The following CNTN4 variants were observed in gnomAD, a reference collection of about 807,000 sequenced individuals.
CNTN4 encodes contactin-4.
In CNTN4, 77 loss-of-function variants were observed where a neutral mutation model predicts 122.5. The ratio of observed to expected loss-of-function variants is 0.63; its 90% CI spans 0.52 to 0.76. The LOEUF (loss-of-function observed/expected upper bound fraction) is 0.76, where lower values mean the gene tolerates loss of function less well. Ranked by LOEUF, CNTN4 falls within the 30% of genes least tolerant of loss-of-function variation. CNTN4 has a pLI of 0.00. For synonymous variants in CNTN4, 512 were observed against 447.0 expected, an observed-to-expected ratio of 1.15 and a Z score of -1.83; for missense variants, 1,256 against 1,259.1, an observed-to-expected ratio of 1.00 and a Z score of 0.04.
chr3:2,765,724 G>A lies in CNTN4; in HGVS notation c.358+20027G>A, dbSNP rs528523292. Among the ~76,000 whole-genome samples the A allele has an allele frequency of 7.9e-5, 12 of 152,258 alleles. 1 individual carries two copies. In the South Asian group the frequency reaches 2.5e-3, roughly 32 times the overall value. Reference sequence around the variant, plus strand: ...GTTATAAAACAGGTGCCCTCAGAGAGCATCCTACAGATTGATAAAGCAAGT... The same window carrying A: ...GTTATAAAACAGGTGCCCTCAGAGAACATCCTACAGATTGATAAAGCAAGT... On this transcript the variant is annotated intron_variant, in intron 6 of 24. Coordinates refer to ENST00000418658, the MANE Select transcript of CNTN4 (RefSeq NM_175607.3).
chr3:2,771,821 G>T (rs2091114194), intron 6 of CNTN4, among the ~76,000 whole-genome samples: 1 of 152,160 alleles, frequency 6.6e-6, no homozygotes, highest in African/African-American at 2.4e-5. Context: ...AAAACATGGA[G>T]AAGCAATATG....
At chr3:2,295,200 G>A (rs1021535459) in intron 2 of CNTN4, among the ~76,000 whole-genome samples, 3 of 143,054 alleles carry the variant, frequency 2.1e-5, no homozygotes, top group South Asian at 2.2e-4. Flanking sequence ...CCCAGTAATG[G>A]GATGGCTGGG....
chr3:2,753,624 C>T (rs2090200238), intron 6 of CNTN4, among the ~76,000 whole-genome samples: 1 of 152,194 alleles, frequency 6.6e-6, no homozygotes, highest in African/African-American at 2.4e-5. Context: ...ACATGCATGG[C>T]TTCCCTTATG....
chr3:2,698,775 T>A (rs1559400431), intron 4 of CNTN4, among the ~76,000 whole-genome samples: 2 of 152,204 alleles, frequency 1.3e-5, no homozygotes, highest in Non-Finnish European at 1.5e-5. Flanking sequence ...GCCAACACTT[T>A]GGGAGGCCAA....
intron 3 of CNTN4, among the ~76,000 whole-genome samples, chr3:2,441,348 T>C (rs2151286317): frequency 6.6e-6 from 1 of 152,314 alleles, no homozygotes; most frequent in Middle Eastern, 3.4e-3. Flanking sequence ...ACAGGTATCT[T>C]ATTTAAGCCT....
chr3:2,243,674 G>A (rs1037332237), intron 2 of CNTN4, among the ~76,000 whole-genome samples: 1 of 152,104 alleles, frequency 6.6e-6, no homozygotes, highest in Non-Finnish European at 1.5e-5. Flanking sequence ...GATGAATAGT[G>A]TAGTTCACTA....
rs183520170 is a variant in CNTN4 at position 2,627,745 on chromosome 3, G to A, written c.55+56187G>A. 9.1e-4 allele frequency among the ~76,000 whole-genome samples: 138 copies of A among 152,010 alleles called. No homozygotes were observed. The East Asian group carries it at 0.015, about 16-fold the overall frequency. On this transcript the variant is annotated intron_variant, in intron 4 of 24. Coordinates refer to ENST00000418658, the MANE Select transcript of CNTN4 (RefSeq NM_175607.3). Reference sequence around the variant, plus strand: ...CCTGACCTTGTGATCTGCCCGCCTCGGCCTCCCAAAGTGCTGGGATTACAG... The same window carrying A: ...CCTGACCTTGTGATCTGCCCGCCTCAGCCTCCCAAAGTGCTGGGATTACAG...
At chr3:2,218,056 C>T (rs1018211879) in intron 2 of CNTN4, among the ~76,000 whole-genome samples, 4 of 152,076 alleles carry the variant, frequency 2.6e-5, no homozygotes, top group Non-Finnish European at 5.9e-5. Flanking sequence ...ATGAGAAAAA[C>T]AGGCACGTGA....
chr3:3,005,687 G>C (rs933099397), intron 14 of CNTN4, among the ~76,000 whole-genome samples: 1 of 152,094 alleles, frequency 6.6e-6, no homozygotes, highest in African/African-American at 2.4e-5. Context: ...GTGGCAGTAA[G>C]AGAACTAGCC....
rs563170432 is a variant in CNTN4 at position 2,591,343 on chromosome 3, G to C, written c.55+19785G>C. ...TAGTCTGCCCTTTGAAGAACTAGTA[G>C]ATTTGTGACTTTTTTTTTTTTTTTT... On this transcript the variant is annotated intron_variant, in intron 4 of 24. Transcript: ENST00000418658. Among the ~76,000 whole-genome samples, 34 of 142,882 alleles carry C rather than the reference G, an allele frequency of 2.4e-4. 1 individual carries two copies. In the East Asian group the frequency reaches 7.4e-3, roughly 31 times the overall value. The allele number at this position is 142,882 out of a possible 152,430, so 93.7% of individuals were successfully genotyped here. A position where few individuals can be genotyped will look rare whatever the true frequency, so the allele number is the denominator to read the frequency against.
At chr3:2,191,870 G>A (rs534004380) in intron 2 of CNTN4, among the ~76,000 whole-genome samples, 63 of 151,880 alleles carry the variant, frequency 4.1e-4, no homozygotes, top group African/African-American at 1.4e-3. Context: ...CTAATGCTAT[G>A]CCTCCCCCCT....
chr3:2,105,103 G>A (rs1019466268), intron 2 of CNTN4, among the ~76,000 whole-genome samples: 1 of 152,290 alleles, frequency 6.6e-6, no homozygotes, highest in Non-Finnish European at 1.5e-5. Flanking sequence ...CTTTTTCTCA[G>A]TGGCTCTAGT....
At chr3:2,130,110 T>G (rs1359631624) in intron 2 of CNTN4, among the ~76,000 whole-genome samples, 1 of 152,198 alleles carries the variant, frequency 6.6e-6, no homozygotes, top group Non-Finnish European at 1.5e-5. Flanking sequence ...TTTGTCCATA[T>G]GTTATTCTCA....
intron 6 of CNTN4, among the ~76,000 whole-genome samples, chr3:2,773,134 G>T (rs576019901): frequency 2.0e-4 from 31 of 151,992 alleles, no homozygotes; most frequent in Non-Finnish European, 4.4e-4. Flanking sequence ...TGGTGGGGGG[G>T]GTTGCAGAGT....
At chr3:2,412,842 T>C (rs2047275662) in intron 3 of CNTN4, among the ~76,000 whole-genome samples, 1 of 152,164 alleles carries the variant, frequency 6.6e-6, no homozygotes, top group African/African-American at 2.4e-5. Flanking sequence ...CTACTTGATA[T>C]TGTGTGAGTT....
At chr3:3,041,047 C>G (rs1443283101) in intron 20 of CNTN4, 2 of 152,268 alleles carry the variant, frequency 1.3e-5, no homozygotes, top group Non-Finnish European at 2.9e-5. Flanking sequence ...ATTATCACCT[C>G]CATGCTATCC....
intron 14 of CNTN4, among the ~76,000 whole-genome samples, chr3:3,025,770 G>A (rs575343836): frequency 1.2e-4 from 18 of 152,130 alleles, no homozygotes; most frequent in African/African-American, 3.9e-4. Flanking sequence ...GGAGAGAGAC[G>A]AAAACCTTTT....
chr3:2,459,208 A>C (rs1040852472), intron 3 of CNTN4, among the ~76,000 whole-genome samples: 5 of 152,178 alleles, frequency 3.3e-5, no homozygotes, highest in Admixed American at 6.6e-5. Flanking sequence ...AAGATCTTCA[A>C]TGGGGAATGT....
At chr3:2,633,099 C>A (rs2082514309) in intron 4 of CNTN4, among the ~76,000 whole-genome samples, 1 of 151,816 alleles carries the variant, frequency 6.6e-6, no homozygotes, top group Admixed American at 6.6e-5. Context: ...AAATAGTCTT[C>A]TCCATGTTGT....
Sources: allele counts gnomAD v4.1 joint callset (sites outside exome capture counted in the v4.1 genomes callset), GRCh38; gene constraint gnomAD v4.1.1; transcripts MANE v1.5; gene names NCBI Gene and HGNC (gene_info 2026-07-23, HGNC 2026-07-21).